TRMT1L: variants seen among roughly 807,000 people sequenced by gnomAD.
TRMT1L encodes tRNA (guanine(27)-N(2))-dimethyltransferase.
In TRMT1L, 28 loss-of-function variants were observed where a neutral mutation model predicts 81.6. The ratio of observed to expected loss-of-function variants is 0.34; its 90% CI spans 0.25 to 0.47. The LOEUF (loss-of-function observed/expected upper bound fraction) is 0.47, where lower values mean the gene tolerates loss of function less well. Ranked by LOEUF, TRMT1L falls within the 20% of genes least tolerant of loss-of-function variation. TRMT1L has a pLI of 1.00. For synonymous variants in TRMT1L, 301 were observed against 303.2 expected, an observed-to-expected ratio of 0.99 and a Z score of 0.07; for missense variants, 739 against 877.1, an observed-to-expected ratio of 0.84 and a Z score of 1.99.
intron 3 of TRMT1L, among the ~76,000 whole-genome samples, chr1:185,149,436 G>T (rs1455417564): frequency 6.6e-6 from 1 of 151,674 alleles, no homozygotes; most frequent in Non-Finnish European, 1.5e-5. Context: ...TCTAGCAGTT[G>T]CAACTACAGG....
chr1:185,151,389 G>A lies in TRMT1L; in HGVS notation c.346+436C>T, dbSNP rs183974884. On this transcript the variant is annotated intron_variant, in intron 2 of 14. Transcript: ENST00000367506. ...AAAAAACCACGCAGTCAGCGATCTTGAGGATACAAACCAAACACTAAGGAG... is the reference window on the plus strand; with the variant it reads ...AAAAAACCACGCAGTCAGCGATCTTAAGGATACAAACCAAACACTAAGGAG... Among the ~76,000 whole-genome samples, 179 of 152,242 alleles carry A rather than the reference G, an allele frequency of 1.2e-3. 1 individual carries two copies. Among genetic ancestry groups the A allele is most frequent in the Non-Finnish European group, 1.9e-3 (127 of 68,010 alleles).
chr1:185,148,768 A>G (rs1167557590), intron 3 of TRMT1L, among the ~76,000 whole-genome samples: 2 of 152,236 alleles, frequency 1.3e-5, no homozygotes, highest in African/African-American at 2.4e-5. Context: ...ACATTCTTAT[A>G]TAGAACTAAA....
At chr1:185,142,421 T>C (rs1187037017) in intron 7 of TRMT1L, among the ~76,000 whole-genome samples, 1 of 152,204 alleles carries the variant, frequency 6.6e-6, no homozygotes, top group African/African-American at 2.4e-5. Context: ...AGTGTACTCT[T>C]ATAATCTTTA....
Position 185,156,800 on chromosome 1 carries a change from TG to T in TRMT1L, c.-89del. ...GAACTGACGTGAATGCCCACAGGGC[TG>T]GATCCAAGGAGTGGGGAAGCAAGTG... is the stretch of plus-strand genomic sequence containing the variant. On this transcript the variant is annotated 5_prime_UTR_variant, in exon 1 of 15. Transcript: ENST00000367506. 1 of 1,554,128 alleles carries T rather than the reference TG, an allele frequency of 6.4e-7. No homozygotes were observed. Among genetic ancestry groups the T allele is most frequent in the Non-Finnish European group, 8.7e-7 (1 of 1,149,784 alleles).
At chr1:185,138,117 T>A (rs1439298321) in intron 9 of TRMT1L, among the ~76,000 whole-genome samples, 2 of 152,202 alleles carry the variant, frequency 1.3e-5, no homozygotes, top group East Asian at 3.8e-4. Flanking sequence ...GCTTCCTTTT[T>A]ATCTATTTTA....
At chr1:185,128,601 A>C (rs182085544) in intron 11 of TRMT1L, 68 bp downstream of exon 11, 25 of 1,440,048 alleles carry the variant, frequency 1.7e-5, no homozygotes, top group Admixed American at 3.5e-5. Flanking sequence ...CACACATAAT[A>C]AAAATCAGCA....
intron 11 of TRMT1L, among the ~76,000 whole-genome samples, chr1:185,127,518 G>A (rs1217328252): frequency 6.6e-6 from 1 of 151,998 alleles, no homozygotes; most frequent in Non-Finnish European, 1.5e-5. Flanking sequence ...AGCACTTTGG[G>A]AGGCCGAGGC....
At position 185,118,494 on chromosome 1, in the gene TRMT1L, G is replaced by C. The variant is rs1230456220; in HGVS notation, c.*1525C>G. On this transcript the variant is annotated 3_prime_UTR_variant, in exon 15 of 15. Transcript: ENST00000367506. The stretch of plus-strand genomic sequence containing the variant: ...TAATATGTATTAAATCAGATAATCT[G>C]AGTGCTAAAATAGTTTGCCTCCTGG... 6.6e-6 allele frequency: 1 copy of C among 151,972 alleles called. No individual in the cohort carries two copies. The highest frequency in any genetic ancestry group is 2.4e-5 in the African/African-American group (1 of 41,360). The allele number at this position is 151,972 out of a possible 1,614,324, so 9.4% of individuals were successfully genotyped here. A position where few individuals can be genotyped will look rare whatever the true frequency, so the allele number is the denominator to read the frequency against.
At chr1:185,138,498 T>C (rs889182841) in intron 9 of TRMT1L, among the ~76,000 whole-genome samples, 3 of 152,210 alleles carry the variant, frequency 2.0e-5, no homozygotes, top group Non-Finnish European at 4.4e-5. Flanking sequence ...TCTACTTAAA[T>C]GCTCTGAAAC....
At position 185,151,796 on chromosome 1, in the gene TRMT1L, A is replaced by G. The variant is rs201570311; in HGVS notation, c.346+29T>C. 8,788 of 992,628 alleles carry G rather than the reference A, an allele frequency of 8.9e-3. 25 individuals carry two copies. Among genetic ancestry groups the G allele is most frequent in the Non-Finnish European group, 0.011 (8,134 of 722,886 alleles). The allele number at this position is 992,628 out of a possible 1,614,324, so 61.5% of individuals were successfully genotyped here. On this transcript the variant is annotated intron_variant, in intron 2 of 14. Transcript: ENST00000367506. Reference sequence around the variant, plus strand: ...AGATGATAAATTATTAGAAACTAAGAAAAAAAAAAAACCCAAACATGGAAA... The same window carrying G: ...AGATGATAAATTATTAGAAACTAAGGAAAAAAAAAAACCCAAACATGGAAA...
At chr1:185,146,266 G>GT (rs1653185563) in intron 4 of TRMT1L, among the ~76,000 whole-genome samples, 1 of 151,920 alleles carries the variant, frequency 6.6e-6, no homozygotes, top group South Asian at 2.1e-4. Context: ...GCCAGCTCCA[G>GT]TACCCCACTG....
chr1:185,134,343 C>A (rs537065900), intron 10 of TRMT1L, among the ~76,000 whole-genome samples: 34 of 152,286 alleles, frequency 2.2e-4, no homozygotes, highest in African/African-American at 7.9e-4. Context: ...AGGTGCCCGC[C>A]ATCACGCCCA....
intron 2 of TRMT1L, among the ~76,000 whole-genome samples, chr1:185,151,299 A>G (rs1315541658): frequency 1.3e-5 from 2 of 152,120 alleles, no homozygotes; most frequent in Non-Finnish European, 2.9e-5. Context: ...TAACCCAACA[A>G]ATATCTTTCA....
Position 185,136,180 on chromosome 1 carries a change from C to T in TRMT1L, c.1513+1426G>A, listed in dbSNP as rs1652893998. ...ATCCCAGCACTTTGGGAGGATGCGG[C>T]GGGCAGATTACTACAGGTCAGGAGT... is the stretch of plus-strand genomic sequence containing the variant. On this transcript the variant is annotated intron_variant, in intron 10 of 14. Coordinates refer to ENST00000367506, the MANE Select transcript of TRMT1L (RefSeq NM_030934.5). 2.6e-5 allele frequency among the ~76,000 whole-genome samples: 4 copies of T among 152,086 alleles called. No homozygotes were observed. In the South Asian group the frequency reaches 6.2e-4, roughly 24 times the overall value.
chr1:185,140,405 G>C (rs558792007), intron 7 of TRMT1L, among the ~76,000 whole-genome samples, 183 bp from the exon 8 acceptor site: 7 of 152,094 alleles, frequency 4.6e-5, no homozygotes, highest in Non-Finnish European at 1.0e-4. Flanking sequence ...CTGTCTAACA[G>C]ATTTTAACTA....
intron 7 of TRMT1L, 149 bp downstream of exon 7, chr1:185,143,208 A>G (rs879665020): frequency 5.2e-6 from 3 of 580,144 alleles, no homozygotes; most frequent in Non-Finnish European, 8.9e-6. Flanking sequence ...ATACTCTAAT[A>G]TACATTTAAA....
rs186880182 is a variant in TRMT1L, at chr1:185,133,866, C to T, written c.1513+3740G>A. Among the ~76,000 whole-genome samples the T allele has an allele frequency of 2.9e-3, 443 of 152,034 alleles. 2 individuals carry two copies. Among genetic ancestry groups the T allele is most frequent in the African/African-American group, 0.01 (426 of 41,456 alleles). On this transcript the variant is annotated intron_variant, in intron 10 of 14. Transcript: ENST00000367506. ...ATGGGATAATAAATGTTGTTTAAAG[C>T]CAATAATTTTGGAGGAATTTGTTAC...
chr1:185,148,211 C>T (rs950600257), intron 3 of TRMT1L, among the ~76,000 whole-genome samples: 1 of 152,040 alleles, frequency 6.6e-6, no homozygotes, highest in Non-Finnish European at 1.5e-5. Context: ...TATCTTTAGC[C>T]CCACATTCTT....
At chr1:185,154,318 T>C (rs970787283) in intron 1 of TRMT1L, among the ~76,000 whole-genome samples, 3 of 152,330 alleles carry the variant, frequency 2.0e-5, no homozygotes, top group Admixed American at 2.0e-4. Context: ...CTCAGCCTCC[T>C]GAGTAGCTGG....
Sources: gnomAD v4.1 joint callset for allele counts (sites outside exome capture counted in the v4.1 genomes callset) on GRCh38, gnomAD v4.1.1 for gene constraint, MANE v1.5 for transcripts, NCBI Gene and HGNC (gene_info 2026-07-23, HGNC 2026-07-21) for gene names.